Variants in LAMA5 observed in about 807,000 individuals in gnomAD.
LAMA5 encodes laminin subunit alpha-5.
In LAMA5, 260 loss-of-function variants were observed where a neutral mutation model predicts 433.4. That is an observed-to-expected ratio of 0.60 (90% CI 0.54 to 0.66). The LOEUF (loss-of-function observed/expected upper bound fraction) is 0.66, where lower values mean the gene tolerates loss of function less well. Ranked by LOEUF, LAMA5 falls within the 30% of genes least tolerant of loss-of-function variation. The probability of loss-of-function intolerance (pLI) is 0.00; values close to 1 mark genes in which losing one functional copy is unlikely to be tolerated. For missense variants in LAMA5, 5,378 were observed against 5,258.5 expected, an observed-to-expected ratio of 1.02 and a Z score of -0.70; for synonymous variants, 2,620 against 2,226.6, an observed-to-expected ratio of 1.18 and a Z score of -4.97.
intron 53 of LAMA5, 34 bp downstream of exon 53, chr20:62,318,420 G>A (rs1354117574): frequency 1.3e-6 from 2 of 1,560,684 alleles, no homozygotes. Context: ...GGCGGGAAGA[G>A]GAGCAGGAGG....
At position 62,325,344 on chromosome 20, in the gene LAMA5, G is replaced by A; in HGVS notation, c.5501C>T (p.Pro1834Leu). Residue 1834 changes from proline to leucine, a missense_variant, in exon 41 of 80, where the codon CCC becomes CTC. Physicochemically the swap from Pro to Leu is moderately conservative, Grantham distance 98. Transcript: ENST00000252999. Reference sequence around the variant, plus strand: ...GCATGAGTCCCCCCGGTAGCTGGCGGGGCACAGGCACAGCTCCACATTGCT... The same window carrying A: ...GCATGAGTCCCCCCGGTAGCTGGCGAGGCACAGGCACAGCTCCACATTGCT... Reference protein sequence around the residue: ...LASNVELCLCPASYRGDSCQE... With the variant: ...LASNVELCLCLASYRGDSCQE... 2 of 1,596,550 alleles carry A rather than the reference G, an allele frequency of 1.3e-6. No homozygotes were observed. Among genetic ancestry groups the A allele is most frequent in the Non-Finnish European group, 1.7e-6 (2 of 1,169,380 alleles).
chr20:62,314,970 C>T, intron 59 of LAMA5, 23 bp from the exon 60 acceptor site: 2 of 1,581,540 alleles, frequency 1.3e-6, no homozygotes, highest in Non-Finnish European at 8.6e-7. Context: ...AGACCTGAGA[C>T]CTTTGCCCCC....
At chr20:62,353,730 C>A (rs991342215) in intron 2 of LAMA5, among the ~76,000 whole-genome samples, 2 of 152,146 alleles carry the variant, frequency 1.3e-5, no homozygotes, top group African/African-American at 4.8e-5. Context: ...AAGGTCCAAC[C>A]CCCTAGTCCC....
Position 62,324,450 on chromosome 20 carries a change from G to A in LAMA5, c.5634C>T (p.Gly1878=), listed in dbSNP as rs143810549. 21 of 1,610,588 alleles carry A rather than the reference G, an allele frequency of 1.3e-5. No homozygotes were observed. The highest frequency in any genetic ancestry group is 4.5e-5 in the East Asian group (2 of 44,856). The change falls in exon 42 of 80, where the codon GGC becomes GGT. Residue 1878 remains glycine (G), a synonymous_variant. Coordinates refer to ENST00000252999, the MANE Select transcript of LAMA5 (RefSeq NM_005560.6). The surrounding 1 kb of genome is among the most constrained non-coding windows in gnomAD (Gnocchi z 4.4). ...ACCAGCCCCTACTCACCACACAGAC[G>A]CCAGAGCCAGGGAGGCAGCGGTCTG... is the stretch of plus-strand genomic sequence containing the variant. ...GHSDRCLPGS[G]VCVDCQHNTE...
In LAMA5 at chr20:62,324,122, G is replaced by T; in HGVS notation, c.5726C>A (p.Pro1909His). ...FVSSRDDPSA[P>H]CVSCPCPLSV... is the part of the protein sequence containing the mutation. ...GAGGGGGCAGGGGCAGCTGACACAG[G>T]GGGCGCTGGGGTCGTCCCTGCTGCT... The change falls in exon 43 of 80, where the codon CCC (proline) becomes CAC (histidine). Residue 1909 changes from proline to histidine, a missense_variant. Coordinates refer to ENST00000252999, the MANE Select transcript of LAMA5 (RefSeq NM_005560.6). The surrounding 1 kb of genome is among the most constrained non-coding windows in gnomAD (Gnocchi z 4.4). 6.5e-7 allele frequency: 1 copy of T among 1,533,378 alleles called. No homozygotes were observed. Among genetic ancestry groups the T allele is most frequent in the Non-Finnish European group, 8.7e-7 (1 of 1,144,186 alleles). 95.0% of individuals were successfully genotyped at this position (1,533,378 alleles called of 1,614,324 possible).
intron 2 of LAMA5, among the ~76,000 whole-genome samples, chr20:62,355,920 A>AGGTCC (rs1985145958): frequency 6.6e-6 from 1 of 152,188 alleles, no homozygotes; most frequent in Non-Finnish European, 1.5e-5. Context: ...AGGAGACTAA[A>AGGTCC]GGTCCCGACT....
chr20:62,351,661 G>C, intron 6 of LAMA5, 43 bp downstream of exon 6: 1 of 1,580,396 alleles, frequency 6.3e-7, no homozygotes, highest in South Asian at 1.1e-5. Context: ...GGGAGCTGGG[G>C]GGGGCCTCAC....
chr20:62,353,306 C>G, intron 2 of LAMA5, 55 bp from the exon 3 acceptor site: 1 of 1,296,068 alleles, frequency 7.7e-7, no homozygotes, highest in Non-Finnish European at 1.1e-6. Context: ...CCCATGCTCC[C>G]AGGGGCCTGG....
intron 6 of LAMA5, among the ~76,000 whole-genome samples, chr20:62,347,524 G>A (rs747996953): frequency 1.3e-5 from 2 of 152,156 alleles, no homozygotes; most frequent in East Asian, 1.9e-4. Flanking sequence ...CTCAGATTTC[G>A]CTTAGCAGGC....
chr20:62,361,584 G>A (rs1986135850), intron 2 of LAMA5, among the ~76,000 whole-genome samples: 1 of 152,236 alleles, frequency 6.6e-6, no homozygotes, highest in African/African-American at 2.4e-5. Flanking sequence ...CACTGGGACT[G>A]GGGCAGCGGC....
chr20:62,338,654 C>T (rs1386262375), intron 11 of LAMA5, 46 bp from the exon 12 acceptor site: 1 of 1,549,866 alleles, frequency 6.5e-7, no homozygotes. Context: ...CCCTGCAGAC[C>T]CCAGTACGCC....
rs370862710 is a variant in LAMA5 at position 62,312,055 on chromosome 20, G to T, written c.9505-5C>A. On this transcript the variant is annotated splice_polypyrimidine_tract_variant and splice_region_variant and intron_variant, in intron 69 of 79. Coordinates refer to ENST00000252999, the MANE Select transcript of LAMA5 (RefSeq NM_005560.6). ...GGACACCTGGCATAGCCCATCCTGG[G>T]GACGGCAGCCAGGTCAGCCGGCCGG... 2 of 1,611,124 alleles carry T rather than the reference G, an allele frequency of 1.2e-6. No individual in the cohort carries two copies. Among genetic ancestry groups the T allele is most frequent in the South Asian group, 2.2e-5 (2 of 91,050 alleles).
At chr20:62,330,676 C>A in intron 30 of LAMA5, 62 bp from the exon 31 acceptor site, 3 of 1,560,966 alleles carry the variant, frequency 1.9e-6, no homozygotes, top group Non-Finnish European at 2.6e-6. Context: ...CCTGGACAAC[C>A]TGCCCTGGGT....
intron 58 of LAMA5, among the ~76,000 whole-genome samples, 160 bp downstream of exon 58, chr20:62,315,788 G>A (rs1986874192): frequency 2.0e-5 from 3 of 152,196 alleles, no homozygotes; most frequent in South Asian, 4.1e-4. Context: ...CTGCAGCCCT[G>A]GCACCTCCCT....
At chr20:62,322,557 A>G in intron 46 of LAMA5, 101 bp downstream of exon 46, 3 of 1,423,630 alleles carry the variant, frequency 2.1e-6, no homozygotes, top group Non-Finnish European at 2.9e-6. Flanking sequence ...GGCTCTGCCC[A>G]TCAAACACTG....
chr20:62,361,259 G>A (rs1350566695), intron 2 of LAMA5, among the ~76,000 whole-genome samples: 2 of 152,138 alleles, frequency 1.3e-5, no homozygotes, highest in African/African-American at 2.4e-5. Context: ...ACCCAGGCCA[G>A]GGCAGGGCTA....
chr20:62,327,787 G>GC, intron 36 of LAMA5, 79 bp downstream of exon 36: 1 of 1,568,936 alleles, frequency 6.4e-7, no homozygotes, highest in Non-Finnish European at 8.7e-7. Context: ...AGCCCCAGCT[G>GC]CCCCGAAAGG....
chr20:62,367,236 G>T lies in LAMA5; in HGVS notation c.10C>A (p.Arg4=). 1 of 1,186,722 alleles carries T rather than the reference G, an allele frequency of 8.4e-7. No homozygotes were observed. The highest frequency in any genetic ancestry group is 1.0e-6 in the Non-Finnish European group (1 of 960,914). The allele number at this position is 1,186,722 out of a possible 1,614,324, so 73.5% of individuals were successfully genotyped here. The change falls in exon 1 of 80, where the codon CGG becomes AGG. Residue 4 remains arginine (R), a synonymous_variant. Coordinates refer to ENST00000252999, the MANE Select transcript of LAMA5 (RefSeq NM_005560.6). ...CACAGTGCGCTCCCCGCGCAGAGCC[G>T]CTTCGCCATCTTCCCGGCTCCGGGC... MAK[R]LCAGSALCVR...
chr20:62,322,742 TG>T lies in LAMA5; in HGVS notation c.6080del (p.Pro2027HisfsTer20). ...PGNCTRCDCT[P>X]CGTEACDPHS... ...GGGGGTCGCAGGCCTCTGTCCCACA[TG>T]GGGTACAGTCGCACCCTGCAGAAGG... On this transcript the variant is annotated frameshift_variant, in exon 46 of 80. Transcript: ENST00000252999. LOFTEE classifies it high-confidence loss of function. 6.6e-7 allele frequency: 1 copy of T among 1,509,848 alleles called. No individual in the cohort carries two copies. The allele number at this position is 1,509,848 out of a possible 1,614,324, so 93.5% of individuals were successfully genotyped here.
Sources: gnomAD v4.1 joint callset for allele counts (sites outside exome capture counted in the v4.1 genomes callset) on GRCh38, gnomAD v4.1.1 for gene constraint, Gnocchi (gnomAD v3.1) non-coding constraint, MANE v1.5 for transcripts, NCBI Gene and HGNC (gene_info 2026-07-23, HGNC 2026-07-21) for gene names.